The following POPDC1 variants were observed in gnomAD, a reference collection of about 807,000 sequenced individuals.
POPDC1 encodes the protein popeye domain cAMP effector 1.
At chr6:105,128,392 G>A in the POPDC1 span, among the ~76,000 whole-genome samples, 2 of 152,108 alleles carry the variant, frequency 1.3e-5, no homozygotes, top group Admixed American at 1.3e-4. Flanking sequence ...GAGAATGCAT[G>A]GTCCAAATAG....
chr6:105,118,039 C>A, the POPDC1 span, among the ~76,000 whole-genome samples: 1 of 152,072 alleles, frequency 6.6e-6, no homozygotes, highest in Non-Finnish European at 1.5e-5. Context: ...CAGCAGGAGA[C>A]CCCTGGGTGA....
the POPDC1 span, among the ~76,000 whole-genome samples, chr6:105,103,837 A>T: frequency 2.0e-5 from 3 of 151,748 alleles, no homozygotes; most frequent in African/African-American, 4.8e-5. Flanking sequence ...TATACTTTGC[A>T]TTTTTTTTCA....
chr6:105,105,932 T>G, the POPDC1 span, among the ~76,000 whole-genome samples: 1 of 152,220 alleles, frequency 6.6e-6, no homozygotes, highest in Non-Finnish European at 1.5e-5. Context: ...ACTTTTCATT[T>G]ATTGCCAATT....
the POPDC1 span, among the ~76,000 whole-genome samples, chr6:105,117,160 G>A: frequency 9.3e-4 from 142 of 152,292 alleles, no homozygotes; most frequent in African/African-American, 3.3e-3. Flanking sequence ...CGCTGCTGGA[G>A]CATGTATTCA....
the POPDC1 span, among the ~76,000 whole-genome samples, chr6:105,128,565 C>A: frequency 1.3e-5 from 2 of 152,118 alleles, no homozygotes; most frequent in Admixed American, 1.3e-4. Context: ...CTGGAAAAAA[C>A]TGAATATTAC....
chr6:105,124,082 A>C, the POPDC1 span, among the ~76,000 whole-genome samples: 1 of 152,184 alleles, frequency 6.6e-6, no homozygotes, highest in African/African-American at 2.4e-5. Flanking sequence ...TTTTCTGTAC[A>C]TATATACAGT....
the POPDC1 span, among the ~76,000 whole-genome samples, chr6:105,135,732 T>G: frequency 1.2e-3 from 185 of 152,218 alleles, 2 homozygotes; most frequent in East Asian, 1.7e-3. Context: ...GAGAGAGATA[T>G]ATATAGATAT....
chr6:105,127,088 C>A, the POPDC1 span, among the ~76,000 whole-genome samples: 10 of 152,188 alleles, frequency 6.6e-5, no homozygotes, highest in African/African-American at 2.2e-4. Flanking sequence ...GTATCTCTGG[C>A]AGGCACTATA....
the POPDC1 span, among the ~76,000 whole-genome samples, chr6:105,128,219 C>T: frequency 1.3e-5 from 2 of 152,238 alleles, no homozygotes; most frequent in African/African-American, 2.4e-5. Context: ...GAGGACTGTA[C>T]ATCCCCTTAC....
the POPDC1 span, among the ~76,000 whole-genome samples, chr6:105,121,098 A>C: frequency 6.6e-6 from 1 of 152,146 alleles, no homozygotes; most frequent in Non-Finnish European, 1.5e-5. Context: ...CTCCCCTTGA[A>C]GTCAATAAAA....
chr6:105,133,400 T>C, the POPDC1 span: 2 of 1,613,760 alleles, frequency 1.2e-6, no homozygotes, highest in Non-Finnish European at 1.7e-6. Context: ...TGAAGAGTAG[T>C]TGGAATAACC....
the POPDC1 span, chr6:105,125,469 G>A: frequency 6.2e-7 from 1 of 1,614,128 alleles, no homozygotes; most frequent in Non-Finnish European, 8.5e-7. Flanking sequence ...CTTTTTCAAG[G>A]TTTGGATCAT....
chr6:105,132,661 A>G, the POPDC1 span, among the ~76,000 whole-genome samples: 4 of 152,370 alleles, frequency 2.6e-5, no homozygotes, highest in East Asian at 3.9e-4. Flanking sequence ...AAATAATCAC[A>G]TAGAGAATAA....
At chr6:105,128,469 T>C in the POPDC1 span, among the ~76,000 whole-genome samples, 7 of 152,152 alleles carry the variant, frequency 4.6e-5, no homozygotes, top group Non-Finnish European at 7.4e-5. Context: ...AGCTGACACA[T>C]AGCTGCCAGA....
At chr6:105,101,091 A>C in the POPDC1 span, 1 of 1,608,514 alleles carries the variant, frequency 6.2e-7, no homozygotes, top group South Asian at 1.1e-5. Flanking sequence ...CTCTCTGATC[A>C]AGGCAGCTGA....
At chr6:105,129,468 G>A in the POPDC1 span, 3 of 1,612,226 alleles carry the variant, frequency 1.9e-6, no homozygotes, top group East Asian at 2.2e-5. Context: ...AAGGCACATC[G>A]GTAGAGAGTG....
At chr6:105,102,684 G>T in the POPDC1 span, among the ~76,000 whole-genome samples, 4 of 152,146 alleles carry the variant, frequency 2.6e-5, no homozygotes, top group Admixed American at 2.0e-4. Context: ...ATTGTTAGGA[G>T]GATTAAACAG....
chr6:105,128,018 C>T, the POPDC1 span, among the ~76,000 whole-genome samples: 1 of 152,250 alleles, frequency 6.6e-6, no homozygotes, highest in Non-Finnish European at 1.5e-5. Context: ...CCTCGGCTTC[C>T]CGAAGTGTTG....
chr6:105,132,553 A>G, the POPDC1 span, among the ~76,000 whole-genome samples: 3,181 of 152,196 alleles, frequency 0.021, 107 homozygotes, highest in African/African-American at 0.069. Flanking sequence ...AGCCCCCACA[A>G]GAGTGTCTTT....
Sources: allele counts gnomAD v4.1 joint callset (sites outside exome capture counted in the v4.1 genomes callset), GRCh38; gene constraint gnomAD v4.1.1; transcripts MANE v1.5; gene names NCBI Gene and HGNC (gene_info 2026-07-23, HGNC 2026-07-21).